Variants in ZSCAN18 observed in about 807,000 individuals in gnomAD.
ZSCAN18 encodes the protein zinc finger and SCAN domain containing 18, also known as zinc finger and SCAN domain-containing protein 18.
Under a neutral mutation model 31.1 loss-of-function variants are expected in ZSCAN18, and 16 were observed. The observed-to-expected ratio is 0.51, with a 90% confidence interval of 0.35 to 0.78. The LOEUF is 0.78. Ranked by LOEUF, ZSCAN18 falls within the 30% of genes least tolerant of loss-of-function variation. The probability of loss-of-function intolerance (pLI) is 0.01; values close to 1 mark genes in which losing one functional copy is unlikely to be tolerated. For synonymous variants in ZSCAN18, 375 were observed against 320.7 expected (o/e 1.17, Z -1.81); for missense variants, 731 against 697.4 (o/e 1.05, Z -0.54).
intron 1 of ZSCAN18, among the ~76,000 whole-genome samples, chr19:58,097,569 C>T (rs1435285092): frequency 6.9e-6 from 1 of 145,230 alleles, no homozygotes; most frequent in African/African-American, 2.4e-5. Flanking sequence ...TTCTAGGCAC[C>T]CCTTTGGTCC....
At chr19:58,114,944 A>G (rs2146031588) in intron 1 of ZSCAN18, among the ~76,000 whole-genome samples, 1 of 152,378 alleles carries the variant, frequency 6.6e-6, no homozygotes, top group Non-Finnish European at 1.5e-5. Flanking sequence ...GACGGTTGTA[A>G]GTGTTCAAGG....
intron 1 of ZSCAN18, among the ~76,000 whole-genome samples, chr19:58,096,129 G>A (rs933788665): frequency 1.3e-5 from 2 of 152,216 alleles, no homozygotes; most frequent in Non-Finnish European, 2.9e-5. Flanking sequence ...AGCCTGGGGA[G>A]TCTTAAGCAG....
intron 2 of ZSCAN18, 53 bp from the exon 3 acceptor site, chr19:58,088,890 A>G: frequency 6.4e-7 from 1 of 1,562,566 alleles, no homozygotes; most frequent in Non-Finnish European, 8.7e-7. Flanking sequence ...ACGTGCCAAC[A>G]ACAATCACAC....
intron 1 of ZSCAN18, among the ~76,000 whole-genome samples, chr19:58,103,262 G>A (rs531868998): frequency 2.0e-5 from 3 of 152,148 alleles, no homozygotes; most frequent in Non-Finnish European, 4.4e-5. Flanking sequence ...TCTGTGTCAC[G>A]ACTAACTTCC....
chr19:58,095,326 C>T (rs1028136429), intron 1 of ZSCAN18, among the ~76,000 whole-genome samples: 1 of 152,216 alleles, frequency 6.6e-6, no homozygotes, highest in African/African-American at 2.4e-5. Context: ...AGAACCTTCC[C>T]TCATCAGAAC....
At chr19:58,087,600 G>T in intron 3 of ZSCAN18, 196 bp from the exon 4 acceptor site, 1 of 566,682 alleles carries the variant, frequency 1.8e-6, no homozygotes, top group Non-Finnish European at 3.1e-6. Context: ...GGTGGCCCCA[G>T]AGATGCCCAT....
Position 58,085,239 on chromosome 19 carries a change from C to T in ZSCAN18, c.979G>A (p.Glu327Lys). 1 of 1,607,094 alleles carries T rather than the reference C, an allele frequency of 6.2e-7. No individual in the cohort carries two copies. ...PPSGTTEEEEEQPGKAPDPQD... is the reference protein window; with the variant it reads ...PPSGTTEEEEKQPGKAPDPQD... ...GGGTCCGGGGCCTTCCCAGGCTGCTCTTCCTCCTCCTCAGTGGTGCCCGAC... is the reference window on the plus strand; with the variant it reads ...GGGTCCGGGGCCTTCCCAGGCTGCTTTTCCTCCTCCTCAGTGGTGCCCGAC... The change falls in exon 7 of 7, where the codon GAG (glutamate) becomes AAG (lysine). Residue 327 changes from glutamate to lysine, a missense_variant. Transcript: ENST00000601144.
Position 58,086,970 on chromosome 19 carries a change from C to A in ZSCAN18, c.681G>T (p.Gly227=). The A allele has an allele frequency of 6.2e-7, 1 of 1,613,928 alleles. No individual in the cohort carries two copies. ...CGGCAGGGTCCAGGTGGCCCCACTC[C>A]CCCAGGTGCTGAGGGTCCTCTGGAA... is the stretch of plus-strand genomic sequence containing the variant. ...KSFPEDPQHL[G]EWGHLDPAEE... Residue 227 remains glycine (G), a synonymous_variant, in exon 5 of 7, where the codon GGG becomes GGT. Coordinates refer to ENST00000601144, the MANE Select transcript of ZSCAN18 (RefSeq NM_001145543.2).
Position 58,085,514 on chromosome 19 carries a change from G to A in ZSCAN18, c.839-135C>T, listed in dbSNP as rs1274673559. On this transcript the variant is annotated intron_variant, in intron 6 of 6. Coordinates refer to ENST00000601144, the MANE Select transcript of ZSCAN18 (RefSeq NM_001145543.2). ...TCCCCGCGGGGCTCACGGCTGTTTG[G>A]AAGCAGCGCTGTCCCTCCCAGGCAG... 8 of 766,382 alleles carry A rather than the reference G, an allele frequency of 1.0e-5. No homozygotes were observed. In the East Asian group the frequency reaches 2.3e-4, roughly 22 times the overall value. 47.5% of individuals were successfully genotyped at this position (766,382 alleles called of 1,614,324 possible). A position where few individuals can be genotyped will look rare whatever the true frequency, so the allele number is the denominator to read the frequency against.
intron 6 of ZSCAN18, chr19:58,085,701 T>C: frequency 4.8e-6 from 2 of 418,934 alleles, no homozygotes. Flanking sequence ...GGCCACAAGA[T>C]GCACGATGCA....
Position 58,084,565 on chromosome 19 carries a change from G to A in ZSCAN18, c.*120C>T, listed in dbSNP as rs564158828. On this transcript the variant is annotated 3_prime_UTR_variant, in exon 7 of 7. Coordinates refer to ENST00000601144, the MANE Select transcript of ZSCAN18 (RefSeq NM_001145543.2). The surrounding 1 kb of genome is among the most constrained non-coding windows in gnomAD (Gnocchi z 4.5). Reference sequence around the variant, plus strand: ...CCTCAGGAGCGGATTCAGGGCACAGGCAGAGGACGTCCACAAACACCACAG... The same window carrying A: ...CCTCAGGAGCGGATTCAGGGCACAGACAGAGGACGTCCACAAACACCACAG... 630 of 1,024,060 alleles carry A rather than the reference G, an allele frequency of 6.2e-4. 2 individuals carry two copies. In the Middle Eastern group the frequency reaches 6.6e-3, roughly 11 times the overall value. The allele number at this position is 1,024,060 out of a possible 1,614,324, so 63.4% of individuals were successfully genotyped here.
At chr19:58,085,709 G>C (rs1160839960) in intron 6 of ZSCAN18, 3 of 411,986 alleles carry the variant, frequency 7.3e-6, no homozygotes, top group Middle Eastern at 6.3e-4. Context: ...GATGCACGAT[G>C]CAAGGAGAGC....
intron 1 of ZSCAN18, among the ~76,000 whole-genome samples, chr19:58,097,481 A>G (rs913905686): frequency 6.6e-6 from 1 of 151,540 alleles, no homozygotes; most frequent in African/African-American, 2.4e-5. Flanking sequence ...CAGACACCTA[A>G]CTCAAACAGA....
At chr19:58,086,506 CAT>C in intron 5 of ZSCAN18, 1 of 507,474 alleles carries the variant, frequency 2.0e-6, no homozygotes, top group South Asian at 3.0e-5. Context: ...TAAAGAAAGA[CAT>C]TGACAAAAAT....
At chr19:58,093,810 C>T (rs566600973) in intron 1 of ZSCAN18, among the ~76,000 whole-genome samples, 3 of 152,096 alleles carry the variant, frequency 2.0e-5, no homozygotes, top group Non-Finnish European at 2.9e-5. Flanking sequence ...CTGTCACCCA[C>T]GCTGGAGTGC....
At chr19:58,104,370 C>G (rs1190052198) in intron 1 of ZSCAN18, among the ~76,000 whole-genome samples, 6 of 145,646 alleles carry the variant, frequency 4.1e-5, no homozygotes, top group Admixed American at 4.1e-4. Context: ...CAGAGTGAGG[C>G]TGTCTCAAAA....
At chr19:58,110,409 G>A (rs1451550294) in intron 1 of ZSCAN18, among the ~76,000 whole-genome samples, 7 of 151,612 alleles carry the variant, frequency 4.6e-5, no homozygotes, top group South Asian at 4.2e-4. Flanking sequence ...CAACCCACTC[G>A]GCCCCTCTGA....
At position 58,109,371 on chromosome 19, in the gene ZSCAN18, T is replaced by C. The variant is rs1468215584; in HGVS notation, c.130+8896A>G. 2.4e-6 allele frequency: 3 copies of C among 1,230,244 alleles called. No homozygotes were observed. The Admixed American group carries it at 1.3e-4, about 52-fold the overall frequency. The allele number at this position is 1,230,244 out of a possible 1,614,324, so 76.2% of individuals were successfully genotyped here. A position where few individuals can be genotyped will look rare whatever the true frequency, so the allele number is the denominator to read the frequency against. On this transcript the variant is annotated intron_variant, in intron 1 of 1. Transcript: ENST00000595721. ...AATTGCTAGAGTTAGAATGGTAATGTGTAAACATTAAAATCAGCCAGGCCA... is the reference window on the plus strand; with the variant it reads ...AATTGCTAGAGTTAGAATGGTAATGCGTAAACATTAAAATCAGCCAGGCCA...
chr19:58,108,560 T>TA (rs1377805245), intron 1 of ZSCAN18: 4 of 985,962 alleles, frequency 4.1e-6, no homozygotes, highest in East Asian at 1.1e-4. Context: ...TTGTAATTCT[T>TA]AGAGAGGGAT....
Sources: gnomAD v4.1 joint callset for allele counts (sites outside exome capture counted in the v4.1 genomes callset) on GRCh38, gnomAD v4.1.1 for gene constraint, Gnocchi (gnomAD v3.1) non-coding constraint, MANE v1.5 for transcripts, NCBI Gene and HGNC (gene_info 2026-07-23, HGNC 2026-07-21) for gene names.